OSGIN1: variants seen among roughly 807,000 people sequenced by gnomAD.
OSGIN1 encodes the protein oxidative stress-induced growth inhibitor 1.
A neutral mutation model predicts 20.1 loss-of-function variants in OSGIN1; 19 were observed. The observed-to-expected ratio is 0.95, with a 90% CI of 0.66 to 1.39. The LOEUF is 1.39. OSGIN1 is among the 40% of genes most tolerant of loss of function. The probability of loss-of-function intolerance (pLI) is 0.00; values close to 1 mark genes in which losing one functional copy is unlikely to be tolerated. For synonymous variants in OSGIN1, 368 were observed against 297.8 expected (o/e 1.24, Z -2.43); for missense variants, 820 against 653.0 (o/e 1.26, Z -2.79).
At position 83,966,124 on chromosome 16, in the gene OSGIN1, G is replaced by A. The variant is rs1379333850; in HGVS notation, c.*117G>A. 1.7e-5 allele frequency: 14 copies of A among 836,072 alleles called. No homozygotes were observed. The highest frequency in any genetic ancestry group is 2.2e-5 in the Non-Finnish European group (12 of 553,270). The allele number at this position is 836,072 out of a possible 1,614,324, so 51.8% of individuals were successfully genotyped here. Reference sequence around the variant, plus strand: ...GGAGGGGTGTCAGCCCACGTTGCTGGCCTTTGGGGTCAAGAGGAGTAGGGA... The same window carrying A: ...GGAGGGGTGTCAGCCCACGTTGCTGACCTTTGGGGTCAAGAGGAGTAGGGA... On this transcript the variant is annotated 3_prime_UTR_variant, in exon 6 of 6. Coordinates refer to ENST00000393306, the MANE Select transcript of OSGIN1 (RefSeq NM_182981.3).
chr16:83,961,013 A>G lies in OSGIN1; in HGVS notation c.429A>G (p.Gln143=). 2 of 1,613,708 alleles carry G rather than the reference A, an allele frequency of 1.2e-6. No homozygotes were observed. The highest frequency in any genetic ancestry group is 1.7e-6 in the Non-Finnish European group (2 of 1,180,002). Residue 143 remains glutamine (Q), a synonymous_variant, in exon 5 of 6, where the codon CAA becomes CAG. Transcript: ENST00000393306. ...SIEGSMVILS[Q]GQWMGLPDLE... ...AAGGCTCCATGGTGATCCTGAGCCA[A>G]GGCCAGTGGATGGGGCTCCCGGACC...
chr16:83,961,858 G>C (rs2084218945), intron 5 of OSGIN1, among the ~76,000 whole-genome samples: 2 of 152,198 alleles, frequency 1.3e-5, no homozygotes, highest in Non-Finnish European at 2.9e-5. Context: ...CTCTGGCACA[G>C]GTCCCCCAGT....
chr16:83,960,900 A>C, intron 4 of OSGIN1, 81 bp from the exon 5 acceptor site: 1 of 1,524,786 alleles, frequency 6.6e-7, no homozygotes, highest in Non-Finnish European at 9.1e-7. Flanking sequence ...ACCCAGCCCC[A>C]GCAAAGGCCT....
chr16:83,965,502 C>T lies in OSGIN1; in HGVS notation c.929C>T (p.Pro310Leu), dbSNP rs138963538. The change falls in exon 6 of 6, where the codon CCG (proline) becomes CTG (leucine). Residue 310 changes from proline to leucine, a missense_variant. By Grantham distance (98) the Pro-to-Leu change is moderately conservative. Transcript: ENST00000393306. ...AVLYARHYNIPVIHAFRRAVD... is the reference protein window; with the variant it reads ...AVLYARHYNILVIHAFRRAVD... ...CTCTACGCCCGCCACTACAACATCC[C>T]GGTGATCCATGCCTTCCGCCGGGCC... The T allele has an allele frequency of 3.9e-5, 63 of 1,611,772 alleles. No homozygotes were observed. Among genetic ancestry groups the T allele is most frequent in the Middle Eastern group, 1.6e-4 (1 of 6,062 alleles).
At position 83,957,793 on chromosome 16, in the gene OSGIN1, C is replaced by T. The variant is rs374372161; in HGVS notation, c.67+55C>T. ...CTCCGCTGAGCCTTCCGGGTACCCC[C>T]CAGGTCTGAGGGCAGGAGCTGGGCA... On this transcript the variant is annotated intron_variant, in intron 2 of 5. Transcript: ENST00000393306. 415 of 1,041,256 alleles carry T rather than the reference C, an allele frequency of 4.0e-4. No homozygotes were observed. In the African/African-American group the frequency reaches 6.1e-3, roughly 15 times the overall value. The allele number at this position is 1,041,256 out of a possible 1,614,324, so 64.5% of individuals were successfully genotyped here.
At chr16:83,955,044 C>T (rs1398529519) in intron 1 of OSGIN1, among the ~76,000 whole-genome samples, 1 of 152,206 alleles carries the variant, frequency 6.6e-6, no homozygotes, top group Non-Finnish European at 1.5e-5. Context: ...ACGGCTTCAC[C>T]TCTCCTAGCC....
intron 2 of OSGIN1, among the ~76,000 whole-genome samples, chr16:83,958,609 G>A (rs1909054094): frequency 6.6e-6 from 1 of 152,334 alleles, no homozygotes; most frequent in South Asian, 2.1e-4. Context: ...AATCAGACGA[G>A]ATAAGAAGAG....
intron 2 of OSGIN1, among the ~76,000 whole-genome samples, 161 bp downstream of exon 2, chr16:83,957,899 C>A (rs1178195163): frequency 7.2e-6 from 1 of 139,496 alleles, no homozygotes; most frequent in Non-Finnish European, 1.5e-5. Flanking sequence ...TTATTTGAGA[C>A]AAAGTCTCAC....
At chr16:83,960,912 C>G (rs1909183245) in intron 4 of OSGIN1, 69 bp from the exon 5 acceptor site, 13 of 1,545,166 alleles carry the variant, frequency 8.4e-6, no homozygotes, top group Admixed American at 3.4e-5. Context: ...CAAAGGCCTC[C>G]CATGCCCTCT....
intron 1 of OSGIN1, 65 bp downstream of exon 1, chr16:83,953,435 C>T: frequency 7.9e-7 from 1 of 1,266,476 alleles, no homozygotes; most frequent in Non-Finnish European, 1.0e-6. Flanking sequence ...CGTGGCAAGC[C>T]CAGCTGGACC....
intron 1 of OSGIN1, chr16:83,954,313 C>G (rs898235001): frequency 6.6e-6 from 1 of 152,206 alleles, no homozygotes; most frequent in African/African-American, 2.4e-5. Flanking sequence ...GTACAAATGC[C>G]GCACACTTGA....
chr16:83,964,101 C>T (rs964404635), intron 5 of OSGIN1, among the ~76,000 whole-genome samples: 2 of 152,098 alleles, frequency 1.3e-5, no homozygotes, highest in African/African-American at 4.8e-5. Flanking sequence ...GTCAAGAGTT[C>T]GAAACCATCC....
chr16:83,961,274 G>A, intron 5 of OSGIN1: 1 of 565,052 alleles, frequency 1.8e-6, no homozygotes, highest in South Asian at 2.1e-5. Flanking sequence ...GGAGACATGA[G>A]ACATCAATCA....
intron 1 of OSGIN1, chr16:83,954,494 A>C (rs1567653868): frequency 6.6e-6 from 1 of 152,264 alleles, no homozygotes; most frequent in East Asian, 1.9e-4. Flanking sequence ...AACTCCGTAA[A>C]ACTAAAAAGC....
chr16:83,954,709 G>A (rs2550438), intron 1 of OSGIN1: 603,822 of 959,194 alleles, frequency 0.63, 193,063 homozygotes, highest in East Asian at 0.66. Context: ...AGAGCCTGAG[G>A]ACAGTCCCAG....
chr16:83,961,964 C>CT (rs371517342), intron 5 of OSGIN1, among the ~76,000 whole-genome samples: 32,147 of 141,448 alleles, frequency 0.23, 5,032 homozygotes, highest in African/African-American at 0.46. Flanking sequence ...TTTTTCTTTT[C>CT]TTTTTTTTTT....
intron 5 of OSGIN1, among the ~76,000 whole-genome samples, chr16:83,961,964 C>T (rs934731992): frequency 7.1e-6 from 1 of 141,600 alleles, no homozygotes; most frequent in Admixed American, 7.0e-5. Flanking sequence ...TTTTTCTTTT[C>T]TTTTTTTTTT....
At position 83,965,719 on chromosome 16, in the gene OSGIN1, T is replaced by G. The variant is rs2084271305; in HGVS notation, c.1146T>G (p.Gly382=). The G allele has an allele frequency of 1.2e-6, 2 of 1,613,378 alleles. No individual in the cohort carries two copies. The highest frequency in any genetic ancestry group is 1.7e-6 in the Non-Finnish European group (2 of 1,179,952). Residue 382 remains glycine, a synonymous_variant, in exon 6 of 6, where the codon GGT becomes GGG. Coordinates refer to ENST00000393306, the MANE Select transcript of OSGIN1 (RefSeq NM_182981.3). Reference sequence around the variant, plus strand: ...AGGCCGTGTTCCAGGACCTCGAGGGTGTCGAGAAGGTGTTTGGGGTCTCCC... The same window carrying G: ...AGGCCGTGTTCCAGGACCTCGAGGGGGTCGAGAAGGTGTTTGGGGTCTCCC... ...DCQAVFQDLE[G]VEKVFGVSLV... is the part of the protein sequence containing the mutation.
In OSGIN1 at chr16:83,965,756, C is replaced by T. The variant is rs1478408565; in HGVS notation, c.1183C>T (p.Leu395Phe). The T allele has an allele frequency of 6.2e-7, 1 of 1,613,432 alleles. No homozygotes were observed. Among genetic ancestry groups the T allele is most frequent in the Admixed American group, 1.7e-5 (1 of 60,012 alleles). Residue 395 changes from leucine to phenylalanine, a missense_variant, in exon 6 of 6, where the codon CTC becomes TTC. Physicochemically the swap from Leu to Phe is conservative, Grantham distance 22 (BLOSUM62 0). Coordinates refer to ENST00000393306, the MANE Select transcript of OSGIN1 (RefSeq NM_182981.3). Reference protein sequence around the residue: ...KVFGVSLVLVLIGSHPDLSFL... With the variant: ...KVFGVSLVLVFIGSHPDLSFL... ...GTTTGGGGTCTCCCTGGTGCTGGTC[C>T]TCATCGGCTCCCACCCCGACCTCTC...
Sources: gnomAD v4.1 joint callset for allele counts (sites outside exome capture counted in the v4.1 genomes callset) on GRCh38, gnomAD v4.1.1 for gene constraint, MANE v1.5 for transcripts, NCBI Gene and HGNC (gene_info 2026-07-23, HGNC 2026-07-21) for gene names.